Variants in ZHX3 observed in about 807,000 individuals in gnomAD.
ZHX3 encodes the protein zinc fingers and homeoboxes 3, also known as zinc fingers and homeoboxes protein 3.
Under a neutral mutation model 64.5 loss-of-function variants are expected in ZHX3, and 20 were observed. That is an observed-to-expected ratio of 0.31 (90% CI 0.22 to 0.45). ZHX3 has a LOEUF of 0.45. Ranked by LOEUF, ZHX3 falls within the 20% of genes least tolerant of loss-of-function variation. ZHX3 has a pLI of 1.00. For missense variants in ZHX3, 1,041 were observed against 1,195.8 expected, an observed-to-expected ratio of 0.87 and a Z score of 1.91; for synonymous variants, 423 against 461.6, an observed-to-expected ratio of 0.92 and a Z score of 1.07.
At chr20:41,276,224 C>A (rs1353266111) in intron 1 of ZHX3, among the ~76,000 whole-genome samples, 1 of 151,644 alleles carries the variant, frequency 6.6e-6, no homozygotes, top group Non-Finnish European at 1.5e-5. Context: ...TCAAGTATGT[C>A]CCCCAACCCC....
chr20:41,207,825 G>A (rs1237534416), intron 2 of ZHX3, among the ~76,000 whole-genome samples: 2 of 148,092 alleles, frequency 1.4e-5, no homozygotes, highest in African/African-American at 5.0e-5. Context: ...GCTAGCAGAA[G>A]GCAAGAAATA....
intron 1 of ZHX3, among the ~76,000 whole-genome samples, chr20:41,309,816 G>A (rs1255922158): frequency 6.6e-6 from 1 of 152,172 alleles, no homozygotes; most frequent in African/African-American, 2.4e-5. Flanking sequence ...ACAGATGGCT[G>A]AAACAACTCT....
At chr20:41,217,953 T>C (rs1022411082) in intron 2 of ZHX3, among the ~76,000 whole-genome samples, 2 of 152,202 alleles carry the variant, frequency 1.3e-5, no homozygotes, top group Non-Finnish European at 2.9e-5. Flanking sequence ...TTACAGAGGG[T>C]TCGAAGATTT....
intron 1 of ZHX3, among the ~76,000 whole-genome samples, chr20:41,301,862 G>A (rs896508720): frequency 1.3e-5 from 2 of 151,462 alleles, no homozygotes; most frequent in East Asian, 1.9e-4. Flanking sequence ...AGACCATCCC[G>A]GCTAAAACGG....
intron 1 of ZHX3, among the ~76,000 whole-genome samples, chr20:41,278,399 C>A (rs2043499360): frequency 7.2e-6 from 1 of 139,574 alleles, no homozygotes; most frequent in Non-Finnish European, 1.6e-5. Context: ...CCAAAACTAT[C>A]CACTACCAAA....
chr20:41,307,837 A>G lies in ZHX3; in HGVS notation c.-245+9672T>C, dbSNP rs1600677579. Among the ~76,000 whole-genome samples, 8 of 152,304 alleles carry G rather than the reference A, an allele frequency of 5.3e-5. 1 individual carries two copies. Among genetic ancestry groups the G allele is most frequent in the Middle Eastern group, 3.4e-3 (1 of 294 alleles). ...TAACCTCTCTTTCATCTGTGATCCT[A>G]TAACATTTTGATTATATCTCCTTCA... is the stretch of plus-strand genomic sequence containing the variant. On this transcript the variant is annotated intron_variant, in intron 1 of 3. Transcript: ENST00000683867.
In ZHX3 at chr20:41,193,713, G is replaced by T. The variant is rs868416018; in HGVS notation, c.2860+8344C>A. ...TTTTTTTGTTGTTGTTGTTGTTTTTGTTTTTTTTTTTTGAGAAGGAGTCTC... is the reference window on the plus strand; with the variant it reads ...TTTTTTTGTTGTTGTTGTTGTTTTTTTTTTTTTTTTTTGAGAAGGAGTCTC... On this transcript the variant is annotated intron_variant, in intron 3 of 3. Coordinates refer to ENST00000683867, the MANE Select transcript of ZHX3 (RefSeq NM_001384317.1). 4.1e-3 allele frequency among the ~76,000 whole-genome samples: 579 copies of T among 141,870 alleles called. 7 individuals are homozygous for T. Among genetic ancestry groups the T allele is most frequent in the East Asian group, 0.022 (108 of 4,918 alleles). 93.1% of individuals were successfully genotyped at this position (141,870 alleles called of 152,430 possible). A position where few individuals can be genotyped will look rare whatever the true frequency, so the allele number is the denominator to read the frequency against.
intron 2 of ZHX3, among the ~76,000 whole-genome samples, chr20:41,249,835 C>T (rs1257050291): frequency 9.9e-5 from 15 of 152,098 alleles, no homozygotes; most frequent in Admixed American, 9.8e-4. Context: ...TACTTAGGGA[C>T]CCAGGATTGG....
At chr20:41,247,128 C>T (rs139553124) in intron 2 of ZHX3, among the ~76,000 whole-genome samples, 3 of 152,088 alleles carry the variant, frequency 2.0e-5, no homozygotes, top group East Asian at 3.9e-4. Context: ...GGCATTGTGG[C>T]GTGCGCCTCA....
rs1209151857 is a variant in ZHX3 at position 41,300,506 on chromosome 20, A to G, written c.-245+17003T>C. ...CAATCTTTGTCCTAGATCACGCAGT[A>G]TTTCATTGTAACTCTATCCCTCAAG... On this transcript the variant is annotated intron_variant, in intron 1 of 3. Transcript: ENST00000683867. Among the ~76,000 whole-genome samples the G allele has an allele frequency of 2.6e-5, 4 of 152,340 alleles. No homozygotes were observed. The South Asian group carries it at 8.3e-4, about 32-fold the overall frequency.
At chr20:41,254,867 C>T (rs1341176900) in intron 2 of ZHX3, among the ~76,000 whole-genome samples, 1 of 151,990 alleles carries the variant, frequency 6.6e-6, no homozygotes, top group African/African-American at 2.4e-5. Context: ...AAGAAAGCAA[C>T]GTCAACAGAG....
At chr20:41,247,471 T>C (rs1260431474) in intron 2 of ZHX3, among the ~76,000 whole-genome samples, 8 of 152,136 alleles carry the variant, frequency 5.3e-5, no homozygotes, top group African/African-American at 1.7e-4. Context: ...ATCATCTGAA[T>C]ATAGACAAGA....
At chr20:41,242,767 G>A (rs1255535319) in intron 2 of ZHX3, among the ~76,000 whole-genome samples, 1 of 152,140 alleles carries the variant, frequency 6.6e-6, no homozygotes, top group Non-Finnish European at 1.5e-5. Context: ...CATATATGGA[G>A]GAAGTTTGAA....
Position 41,200,726 on chromosome 20 carries a change from T to C in ZHX3, c.2860+1331A>G, listed in dbSNP as rs2038149450. 6.6e-6 allele frequency among the ~76,000 whole-genome samples: 1 copy of C among 152,156 alleles called. No individual in the cohort carries two copies. The highest frequency in any genetic ancestry group is 2.4e-5 in the African/African-American group (1 of 41,420). The stretch of plus-strand genomic sequence containing the variant: ...GGAACTGGATTTTGCCTTAGTATGT[T>C]AATATGAGAAGAACAGGCTTTCTGC... On this transcript the variant is annotated intron_variant, in intron 3 of 3. Transcript: ENST00000683867. This position sits in a 1 kb window ranked among gnomAD's most constrained non-coding sequence, Gnocchi z 4.2.
At chr20:41,192,806 C>G (rs1364860443) in intron 3 of ZHX3, among the ~76,000 whole-genome samples, 1 of 152,168 alleles carries the variant, frequency 6.6e-6, no homozygotes, top group African/African-American at 2.4e-5. Context: ...GTGCGAGCTC[C>G]GTTCTGGAGC....
chr20:41,269,272 T>C (rs2043009807), intron 1 of ZHX3, 189 bp from the exon 2 acceptor site: 1 of 152,232 alleles, frequency 6.6e-6, no homozygotes, highest in Admixed American at 6.5e-5. Flanking sequence ...TTAAAATTCC[T>C]AGTAGAAATA....
intron 1 of ZHX3, chr20:41,269,392 T>C (rs1004951952): frequency 1.3e-5 from 2 of 152,216 alleles, no homozygotes; most frequent in African/African-American, 4.8e-5. Context: ...TGAGACAGCT[T>C]GGCAGAAATA....
intron 1 of ZHX3, among the ~76,000 whole-genome samples, chr20:41,301,095 C>T (rs1450487199): frequency 6.6e-6 from 1 of 152,122 alleles, no homozygotes; most frequent in African/African-American, 2.4e-5. Flanking sequence ...AAGTAGAGAC[C>T]ATGGATAAGG....
intron 2 of ZHX3, among the ~76,000 whole-genome samples, chr20:41,207,336 A>C (rs1294517000): frequency 6.6e-6 from 1 of 152,230 alleles, no homozygotes; most frequent in Non-Finnish European, 1.5e-5. Flanking sequence ...TAAATGCACC[A>C]AGCAGACCTA....
Sources: gnomAD v4.1 joint callset for allele counts (sites outside exome capture counted in the v4.1 genomes callset) on GRCh38, gnomAD v4.1.1 for gene constraint, Gnocchi (gnomAD v3.1) non-coding constraint, MANE v1.5 for transcripts, NCBI Gene and HGNC (gene_info 2026-07-23, HGNC 2026-07-21) for gene names.